Variants in MEF2B observed in about 807,000 individuals in gnomAD.
MEF2B encodes the protein myocyte-specific enhancer factor 2B.
MEF2B carries 15 observed loss-of-function variants against 32.2 expected under a neutral mutation model. The observed-to-expected ratio is 0.47, with a 90% CI of 0.31 to 0.72. The LOEUF (loss-of-function observed/expected upper bound fraction) is 0.72. Ranked by LOEUF, MEF2B falls within the 30% of genes least tolerant of loss-of-function variation. The probability of loss-of-function intolerance (pLI) is 0.05; values close to 1 mark genes in which losing one functional copy is unlikely to be tolerated. For synonymous variants in MEF2B, 205 were observed against 225.6 expected, an observed-to-expected ratio of 0.91 and a Z score of 0.82; for missense variants, 441 against 511.5, an observed-to-expected ratio of 0.86 and a Z score of 1.33.
rs1038179826 is a variant in MEF2B at position 19,145,633 on chromosome 19, G to A, written c.*164C>T. Reference sequence around the variant, plus strand: ...CACACAAATAGGAAGAAGGAAAGGAGCCCCCCAGGGTGGATTGAGTCCAGC... The same window carrying A: ...CACACAAATAGGAAGAAGGAAAGGAACCCCCCAGGGTGGATTGAGTCCAGC... On this transcript the variant is annotated 3_prime_UTR_variant, in exon 9 of 9. Coordinates refer to ENST00000424583, the MANE Select transcript of MEF2B (RefSeq NM_001145785.2). This position sits in a 1 kb window ranked among gnomAD's most constrained non-coding sequence, Gnocchi z 4.6. 1 of 1,467,148 alleles carries A rather than the reference G, an allele frequency of 6.8e-7. No homozygotes were observed. Among genetic ancestry groups the A allele is most frequent in the Admixed American group, 2.5e-5 (1 of 39,366 alleles). 90.9% of individuals were successfully genotyped at this position (1,467,148 alleles called of 1,614,324 possible).
intron 1 of MEF2B, among the ~76,000 whole-genome samples, chr19:19,162,674 G>T (rs1308562435): frequency 6.6e-6 from 1 of 152,172 alleles, no homozygotes; most frequent in Non-Finnish European, 1.5e-5. Context: ...GCTCCTGGGA[G>T]GGACAGCTCC....
intron 3 of MEF2B, 155 bp downstream of exon 3, chr19:19,149,067 GATGA>G: frequency 4.5e-6 from 4 of 893,140 alleles, no homozygotes; most frequent in Non-Finnish European, 6.7e-6. Context: ...CAAATGTTTG[GATGA>G]GTGGAGGGTC....
intron 1 of MEF2B, among the ~76,000 whole-genome samples, chr19:19,167,705 T>C (rs1214303947): frequency 6.6e-6 from 1 of 152,154 alleles, no homozygotes; most frequent in African/African-American, 2.4e-5. Context: ...AAATCATTCG[T>C]TGGGATGGGA....
intron 8 of MEF2B, 25 bp from the exon 9 acceptor site, chr19:19,146,047 G>A: frequency 7.1e-7 from 1 of 1,410,736 alleles, no homozygotes; most frequent in South Asian, 1.6e-5. Context: ...AGAGAGGGAG[G>A]CCGTGAGCTC....
At chr19:19,163,473 C>T (rs1292519665) in intron 1 of MEF2B, among the ~76,000 whole-genome samples, 1 of 152,002 alleles carries the variant, frequency 6.6e-6, no homozygotes. Flanking sequence ...TCTGCAGCAC[C>T]TCAGCCCTAT....
At chr19:19,150,320 G>A (rs565808451) in intron 2 of MEF2B, among the ~76,000 whole-genome samples, 1 of 151,896 alleles carries the variant, frequency 6.6e-6, no homozygotes, top group East Asian at 1.9e-4. Context: ...ACGAGGTCAG[G>A]AGTTCGAGAC....
chr19:19,153,539 C>A (rs1284127140), intron 1 of MEF2B, among the ~76,000 whole-genome samples: 1 of 152,068 alleles, frequency 6.6e-6, no homozygotes, highest in Non-Finnish European at 1.5e-5. Context: ...TCACTGCAAC[C>A]TCTGCCTCCC....
At chr19:19,149,564 T>C in intron 2 of MEF2B, 135 bp from the exon 3 acceptor site, 3 of 1,232,868 alleles carry the variant, frequency 2.4e-6, no homozygotes, top group Non-Finnish European at 3.4e-6. Flanking sequence ...GTAATTCTCA[T>C]GTCACAACCT....
At chr19:19,162,761 T>C (rs1280461797) in intron 1 of MEF2B, among the ~76,000 whole-genome samples, 1 of 152,226 alleles carries the variant, frequency 6.6e-6, no homozygotes, top group East Asian at 1.9e-4. Flanking sequence ...GGATCCCATT[T>C]TGGCCATGCA....
At chr19:19,168,600 G>T (rs12975096) in intron 1 of MEF2B, among the ~76,000 whole-genome samples, 82,164 of 149,120 alleles carry the variant, frequency 0.55, 22,788 homozygotes, top group East Asian at 0.73. Flanking sequence ...CTTTCTTTTT[G>T]TTTTTCTTTT....
At chr19:19,159,492 G>A (rs2146373572) in intron 1 of MEF2B, among the ~76,000 whole-genome samples, 1 of 151,950 alleles carries the variant, frequency 6.6e-6, no homozygotes, top group Admixed American at 6.6e-5. Flanking sequence ...AGAGTGAGGT[G>A]ACAGGAAGAG....
At chr19:19,155,237 T>C (rs888255735) in intron 1 of MEF2B, among the ~76,000 whole-genome samples, 2 of 152,144 alleles carry the variant, frequency 1.3e-5, no homozygotes, top group Non-Finnish European at 2.9e-5. Context: ...CTTGCCTACT[T>C]CTCTCTCTTC....
At chr19:19,153,250 G>T (rs1028230981) in intron 1 of MEF2B, among the ~76,000 whole-genome samples, 9 of 152,144 alleles carry the variant, frequency 5.9e-5, no homozygotes, top group Non-Finnish European at 1.0e-4. Context: ...TAGGGCAGAG[G>T]TCATGTGATG....
intron 1 of MEF2B, among the ~76,000 whole-genome samples, chr19:19,158,181 G>A (rs977448953): frequency 1.9e-4 from 29 of 151,050 alleles, no homozygotes; most frequent in Middle Eastern, 3.4e-3. Flanking sequence ...TCCACTTCCC[G>A]AGTTCAAGCG....
rs774380749 is a variant in MEF2B at position 19,147,770 on chromosome 19, C to T, written c.321G>A (p.Glu107=). 2.5e-6 allele frequency: 4 copies of T among 1,613,976 alleles called. No homozygotes were observed. Among genetic ancestry groups the T allele is most frequent in the South Asian group, 2.2e-5 (2 of 91,088 alleles). ...GPELEPDEGP[E]EPGEKFRRLA... ...GCCTCCGAAACTTCTCTCCTGGCTC[C>T]TCAGGCCCTTCATCCGGCTCCAGCT... Residue 107 remains glutamate, a synonymous_variant, in exon 4 of 9, where the codon GAG becomes GAA. Coordinates refer to ENST00000424583, the MANE Select transcript of MEF2B (RefSeq NM_001145785.2).
intron 1 of MEF2B, among the ~76,000 whole-genome samples, chr19:19,159,340 G>A (rs1387737354): frequency 6.6e-6 from 1 of 151,646 alleles, no homozygotes; most frequent in Non-Finnish European, 1.5e-5. Context: ...AGGATCACGT[G>A]AGCCCAGGAG....
At chr19:19,149,157 G>C in intron 3 of MEF2B, 69 bp downstream of exon 3, 1 of 1,576,098 alleles carries the variant, frequency 6.3e-7, no homozygotes, top group Non-Finnish European at 8.7e-7. Context: ...TGCAAACCAA[G>C]AGTCCCTGGG....
chr19:19,145,983 G>A lies in MEF2B; in HGVS notation c.921C>T (p.Arg307=), dbSNP rs923914967. The A allele has an allele frequency of 8.5e-5, 122 of 1,437,300 alleles. No homozygotes were observed. Among genetic ancestry groups the A allele is most frequent in the Non-Finnish European group, 1.1e-4 (116 of 1,097,952 alleles). 89.0% of individuals were successfully genotyped at this position (1,437,300 alleles called of 1,614,324 possible). A position where few individuals can be genotyped will look rare whatever the true frequency, so the allele number is the denominator to read the frequency against. The change falls in exon 9 of 9, where the codon CGC becomes CGT. Residue 307 remains arginine, a synonymous_variant. Transcript: ENST00000424583. The surrounding 1 kb of genome is among the most constrained non-coding windows in gnomAD (Gnocchi z 4.6). ...CTGGGGGGGTCGGCGGGGAGGCGCC[G>A]CGGGTTGGGGGACCCTCCTCGCCCA... The part of the protein sequence containing the change: ...RSLGEEGPPT[R]GASPPTPPVS...
At chr19:19,158,249 G>C (rs571859479) in intron 1 of MEF2B, among the ~76,000 whole-genome samples, 1 of 151,306 alleles carries the variant, frequency 6.6e-6, no homozygotes, top group South Asian at 2.1e-4. Flanking sequence ...CACTGTGCCC[G>C]GCTAATTTTT....
Sources: gnomAD v4.1 joint callset for allele counts (sites outside exome capture counted in the v4.1 genomes callset) on GRCh38, gnomAD v4.1.1 for gene constraint, Gnocchi (gnomAD v3.1) non-coding constraint, MANE v1.5 for transcripts, NCBI Gene and HGNC (gene_info 2026-07-23, HGNC 2026-07-21) for gene names.